The following AKT3 variants were observed in gnomAD, a reference collection of about 807,000 sequenced individuals.
AKT3 encodes AKT serine/threonine kinase 3.
A neutral mutation model predicts 65.3 loss-of-function variants in AKT3; 15 were observed. The ratio of observed to expected loss-of-function variants is 0.23; its 90% CI spans 0.15 to 0.35. The LOEUF (loss-of-function observed/expected upper bound fraction) is 0.35, where lower values mean the gene tolerates loss of function less well. Among genes scored for constraint, AKT3 ranks in the 10% least tolerant of loss-of-function variants. The probability of loss-of-function intolerance (pLI) is 1.00; values close to 1 mark genes in which losing one functional copy is unlikely to be tolerated. For missense variants in AKT3, 243 were observed against 576.5 expected, an observed-to-expected ratio of 0.42 and a Z score of 5.92; for synonymous variants, 206 against 183.8, an observed-to-expected ratio of 1.12 and a Z score of -0.98.
At chr1:243,850,324 G>C (rs574786716), upstream of AKT3, among the ~76,000 whole-genome samples, 22 of 150,776 alleles carry the variant, frequency 1.5e-4, no homozygotes, top group South Asian at 1.7e-3. Context: ...GGCGGCGGGA[G>C]GGGGAGGGAG....
intron 2 of AKT3, among the ~76,000 whole-genome samples, chr1:243,737,337 C>T (rs978556469): frequency 2.0e-5 from 3 of 152,100 alleles, no homozygotes; most frequent in South Asian, 4.1e-4. Context: ...TAGTGCTTGG[C>T]GTGTAGTAAC....
chr1:243,819,027 A>G (rs1693699226), intron 2 of AKT3, among the ~76,000 whole-genome samples: 3 of 152,222 alleles, frequency 2.0e-5, no homozygotes, highest in Admixed American at 2.0e-4. Flanking sequence ...GGGTCAGGTC[A>G]GGATATCACC....
intron 2 of AKT3, among the ~76,000 whole-genome samples, chr1:243,756,183 AAGTG>A (rs1156642961): frequency 1.3e-5 from 2 of 152,260 alleles, no homozygotes; most frequent in East Asian, 1.9e-4. Context: ...TCGTAAGAAT[AAGTG>A]AGTATGTCAT....
At chr1:243,672,699 T>C (rs1244033128) in intron 3 of AKT3, among the ~76,000 whole-genome samples, 1 of 152,258 alleles carries the variant, frequency 6.6e-6, no homozygotes, top group Admixed American at 6.5e-5. Flanking sequence ...AGTCACGATA[T>C]GTTAATGTGA....
intron 2 of AKT3, among the ~76,000 whole-genome samples, chr1:243,766,113 T>C (rs1689800517): frequency 1.3e-5 from 2 of 152,302 alleles, no homozygotes; most frequent in East Asian, 1.9e-4. Flanking sequence ...CAGAGTAAGT[T>C]TGAGTGAACT....
chr1:243,666,689 G>A (rs536653622), intron 3 of AKT3, among the ~76,000 whole-genome samples: 2 of 152,178 alleles, frequency 1.3e-5, no homozygotes, highest in African/African-American at 2.4e-5. Flanking sequence ...TACAACCATC[G>A]TAAGTCAGAA....
intron 8 of AKT3, among the ~76,000 whole-genome samples, chr1:243,593,704 C>T (rs1676397703): frequency 6.6e-6 from 1 of 152,056 alleles, no homozygotes; most frequent in Non-Finnish European, 1.5e-5. Context: ...AATAAACAAC[C>T]ATATGATCAC....
At position 243,503,617 on chromosome 1, in the gene AKT3, A is replaced by G; in HGVS notation, c.*1632T>C. ...ATCTGAAGATCATCATTAATGAAGG[A>G]GAAAGATGAGGTTTGCATACATGCC... is the stretch of plus-strand genomic sequence containing the variant. On this transcript the variant is annotated 3_prime_UTR_variant, in exon 14 of 14. Coordinates refer to ENST00000673466, the MANE Select transcript of AKT3 (RefSeq NM_005465.7). 1 of 233,026 alleles carries G rather than the reference A, an allele frequency of 4.3e-6. No individual in the cohort carries two copies. Among genetic ancestry groups the G allele is most frequent in the East Asian group, 6.1e-5 (1 of 16,490 alleles). 14.4% of individuals were successfully genotyped at this position (233,026 alleles called of 1,614,324 possible).
chr1:243,595,989 T>G (rs534908391), intron 8 of AKT3, among the ~76,000 whole-genome samples: 1 of 152,358 alleles, frequency 6.6e-6, no homozygotes, highest in Admixed American at 6.5e-5. Context: ...ACAGGTTTGC[T>G]TACACCAGCA....
intron 2 of AKT3, among the ~76,000 whole-genome samples, chr1:243,717,696 T>A (rs1171204502): frequency 1.3e-5 from 2 of 152,202 alleles, no homozygotes; most frequent in East Asian, 1.9e-4. Flanking sequence ...AAAGATGTTA[T>A]AAAAGAAATT....
chr1:243,693,213 A>C (rs773178255), intron 3 of AKT3, among the ~76,000 whole-genome samples: 2 of 134,082 alleles, frequency 1.5e-5, no homozygotes, highest in Admixed American at 7.8e-5. Context: ...AAAATGAGGG[A>C]TATATATATC....
chr1:243,625,586 A>AGTAT (rs1679100885), intron 6 of AKT3, among the ~76,000 whole-genome samples: 1 of 152,196 alleles, frequency 6.6e-6, no homozygotes. Context: ...AAAAACAGAC[A>AGTAT]GTATATCTAT....
At chr1:243,569,373 T>C (rs965823178) in intron 9 of AKT3, among the ~76,000 whole-genome samples, 3 of 152,222 alleles carry the variant, frequency 2.0e-5, no homozygotes, top group African/African-American at 7.2e-5. Flanking sequence ...AATTTTATTT[T>C]AGAAGTGGAA....
At chr1:243,789,971 A>G (rs933230372) in intron 2 of AKT3, among the ~76,000 whole-genome samples, 3 of 152,304 alleles carry the variant, frequency 2.0e-5, no homozygotes, top group African/African-American at 7.2e-5. Context: ...TAAAATAGTA[A>G]ACCATGCTAT....
intron 1 of AKT3, among the ~76,000 whole-genome samples, chr1:243,846,625 GTAAACA>G (rs1695535376): frequency 6.6e-6 from 1 of 152,086 alleles, no homozygotes; most frequent in East Asian, 1.9e-4. Context: ...AATAAAATCT[GTAAACA>G]TTTGAGTTAT....
chr1:243,728,249 T>C (rs1324286667), intron 2 of AKT3, among the ~76,000 whole-genome samples: 2 of 152,198 alleles, frequency 1.3e-5, no homozygotes, highest in African/African-American at 4.8e-5. Flanking sequence ...TCATCCAATT[T>C]TAATCAAACA....
In AKT3 at chr1:243,651,617, T is replaced by A. The variant is rs1572103026; in HGVS notation, c.285-5580A>T. 1.3e-5 allele frequency among the ~76,000 whole-genome samples: 2 copies of A among 152,314 alleles called. 1 individual carries two copies. The highest frequency in any genetic ancestry group is 4.1e-4 in the South Asian group (2 of 4,820). On this transcript the variant is annotated intron_variant, in intron 4 of 13. Transcript: ENST00000673466. ...TTTTAGCATGAAGGGGAGTTGAGTTTTGTTGAAAGCCTTTTCTGCATCTAT... is the reference window on the plus strand; with the variant it reads ...TTTTAGCATGAAGGGGAGTTGAGTTATGTTGAAAGCCTTTTCTGCATCTAT...
At chr1:243,825,998 A>G (rs1184742742) in intron 2 of AKT3, among the ~76,000 whole-genome samples, 1 of 151,840 alleles carries the variant, frequency 6.6e-6, no homozygotes. Flanking sequence ...CAGGTGTTGT[A>G]GCAGGTGCCT....
chr1:243,802,177 T>C (rs1014227363), intron 2 of AKT3, among the ~76,000 whole-genome samples: 1 of 152,204 alleles, frequency 6.6e-6, no homozygotes, highest in South Asian at 2.1e-4. Flanking sequence ...TAAGTTTGTA[T>C]ACTTTTTTGC....
Sources: allele counts gnomAD v4.1 joint callset (sites outside exome capture counted in the v4.1 genomes callset), GRCh38; gene constraint gnomAD v4.1.1; transcripts MANE v1.5; gene names NCBI Gene and HGNC (gene_info 2026-07-23, HGNC 2026-07-21).